FRY: variants seen among roughly 807,000 people sequenced by gnomAD.
The protein encoded by FRY is FRY microtubule binding protein.
In FRY, 128 loss-of-function variants were observed where a neutral mutation model predicts 348.4. The ratio of observed to expected loss-of-function variants is 0.37; its 90% CI spans 0.32 to 0.43. The LOEUF (loss-of-function observed/expected upper bound fraction) is 0.43. Ranked by LOEUF, FRY falls within the 20% of genes least tolerant of loss-of-function variation. The probability of loss-of-function intolerance (pLI) is 1.00; values close to 1 mark genes in which losing one functional copy is unlikely to be tolerated. For synonymous variants in FRY, 1,370 were observed against 1,374.7 expected, an observed-to-expected ratio of 1.00 and a Z score of 0.08; for missense variants, 2,736 against 3,695.2, an observed-to-expected ratio of 0.74 and a Z score of 6.73.
At chr13:32,209,464 TC>T (rs1458447926) in intron 32 of FRY, 120 bp from the exon 33 acceptor site, 3 of 918,146 alleles carry the variant, frequency 3.3e-6, no homozygotes, top group Non-Finnish European at 5.4e-6. Context: ...TGATAAATGG[TC>T]ATGTTTACCC....
At chr13:32,207,177 A>G (rs1163207135) in intron 31 of FRY, among the ~76,000 whole-genome samples, 1 of 152,212 alleles carries the variant, frequency 6.6e-6, no homozygotes, top group African/African-American at 2.4e-5. Flanking sequence ...CGAAAAGTCC[A>G]TAGATTTTTA....
rs368050656 is a variant in FRY, at chr13:32,149,577, G to A, written c.1393-171G>A. ...ACAAAACAGAAGCAGCCCTACCCTCGGTTCAGATGGGCATGGTCTTCCTCC... is the reference window on the plus strand; with the variant it reads ...ACAAAACAGAAGCAGCCCTACCCTCAGTTCAGATGGGCATGGTCTTCCTCC... On this transcript the variant is annotated intron_variant, in intron 13 of 60. Coordinates refer to ENST00000542859, the MANE Select transcript of FRY (RefSeq NM_023037.3). Among the ~76,000 whole-genome samples, 133 of 152,174 alleles carry A rather than the reference G, an allele frequency of 8.7e-4. 1 individual carries two copies. Among genetic ancestry groups the A allele is most frequent in the African/African-American group, 3.0e-3 (123 of 41,516 alleles).
intron 59 of FRY, among the ~76,000 whole-genome samples, chr13:32,293,741 A>G (rs933064764): frequency 2.0e-5 from 3 of 152,210 alleles, no homozygotes; most frequent in African/African-American, 7.2e-5. Context: ...TACAAACATT[A>G]GTTTAAGATT....
At chr13:32,252,891 T>C (rs532679887) in intron 50 of FRY, among the ~76,000 whole-genome samples, 11 of 152,302 alleles carry the variant, frequency 7.2e-5, no homozygotes, top group Admixed American at 2.6e-4. Flanking sequence ...TTTCTGCGGC[T>C]CCTGTGACAA....
intron 33 of FRY, 91 bp downstream of exon 33, chr13:32,209,822 A>G (rs1884581785): frequency 1.5e-6 from 2 of 1,291,980 alleles, no homozygotes; most frequent in Non-Finnish European, 2.2e-6. Flanking sequence ...TGCTCCAGCT[A>G]AAATAGAAAT....
intron 1 of FRY, among the ~76,000 whole-genome samples, chr13:32,073,542 C>T (rs1447222310): frequency 2.7e-5 from 4 of 150,318 alleles, no homozygotes; most frequent in Admixed American, 6.6e-5. Context: ...TGTATGTGGG[C>T]GGGTGTGTGT....
intron 4 of FRY, among the ~76,000 whole-genome samples, chr13:32,117,810 C>T (rs114670911): frequency 2.3e-4 from 35 of 152,344 alleles, no homozygotes; most frequent in African/African-American, 8.4e-4. Context: ...CCTTGCGTGA[C>T]ATGCCAAGAT....
intron 2 of FRY, among the ~76,000 whole-genome samples, chr13:32,093,187 A>G (rs1021860894): frequency 6.6e-6 from 1 of 152,218 alleles, no homozygotes; most frequent in Non-Finnish European, 1.5e-5. Flanking sequence ...CTCTAAAAAA[A>G]TTCTTCTCTA....
chr13:32,234,740 A>G lies in FRY; in HGVS notation c.5694A>G (p.Gly1898=), dbSNP rs1176977293. 1.7e-5 allele frequency: 27 copies of G among 1,613,994 alleles called. No individual in the cohort carries two copies. The highest frequency in any genetic ancestry group is 2.3e-5 in the Non-Finnish European group (27 of 1,179,972). The change falls in exon 42 of 61, where the codon GGA becomes GGG. Residue 1898 remains glycine, a synonymous_variant. Transcript: ENST00000542859. ...DLLSRLVEVI[G]EHGDEIQGYV... is the part of the protein sequence containing the mutation. ...TCTCAAGATTGGTGGAGGTGATAGG[A>G]GAACATGGAGATGAGATTCAGGTAT...
At chr13:32,170,528 T>C (rs1210568643) in intron 17 of FRY, among the ~76,000 whole-genome samples, 1 of 151,928 alleles carries the variant, frequency 6.6e-6, no homozygotes, top group East Asian at 1.9e-4. Flanking sequence ...TAGAAGTTTG[T>C]TTTGTTTTGT....
intron 17 of FRY, among the ~76,000 whole-genome samples, chr13:32,163,163 G>C (rs1396484501): frequency 1.3e-5 from 2 of 152,220 alleles, no homozygotes; most frequent in African/African-American, 4.8e-5. Flanking sequence ...GCTGTGGACA[G>C]CATTGGAGAG....
intron 3 of FRY, among the ~76,000 whole-genome samples, chr13:32,111,512 G>A (rs1456246411): frequency 6.6e-6 from 1 of 151,962 alleles, no homozygotes; most frequent in African/African-American, 2.4e-5. Flanking sequence ...AGAAGAAGGA[G>A]AAAGAGAAGA....
At chr13:32,051,040 C>A (rs913108963) in intron 1 of FRY, among the ~76,000 whole-genome samples, 5 of 152,142 alleles carry the variant, frequency 3.3e-5, no homozygotes, top group African/African-American at 1.2e-4. Flanking sequence ...CAAATCTATA[C>A]CAATATGGTT....
chr13:32,072,320 C>T (rs935690116), intron 1 of FRY, among the ~76,000 whole-genome samples: 7 of 151,968 alleles, frequency 4.6e-5, no homozygotes, highest in Non-Finnish European at 1.0e-4. Context: ...AATTGTTTTT[C>T]GGTATTTTTT....
chr13:32,116,066 T>C (rs962464666), intron 3 of FRY, among the ~76,000 whole-genome samples: 4 of 152,180 alleles, frequency 2.6e-5, no homozygotes, highest in Admixed American at 2.6e-4. Flanking sequence ...TTACATGTAG[T>C]TGGACATTTA....
chr13:32,067,414 C>T (rs1199034513), intron 1 of FRY, among the ~76,000 whole-genome samples: 3 of 152,060 alleles, frequency 2.0e-5, no homozygotes, highest in Non-Finnish European at 4.4e-5. Flanking sequence ...ACAGGCTTCC[C>T]CACTGTCTGC....
Position 32,101,979 on chromosome 13 carries a change from A to G in FRY, c.287A>G (p.Lys96Arg). The G allele has an allele frequency of 6.6e-7, 1 of 1,526,152 alleles. No individual in the cohort carries two copies. Among genetic ancestry groups the G allele is most frequent in the Non-Finnish European group, 9.1e-7 (1 of 1,099,850 alleles). The allele number at this position is 1,526,152 out of a possible 1,614,324, so 94.5% of individuals were successfully genotyped here. The change falls in exon 3 of 61, where the codon AAA (lysine) becomes AGA (arginine). Residue 96 changes from lysine (K) to arginine (R), a missense_variant. Transcript: ENST00000542859. ...TCTTTCTAGGAAAAGCCATTGACAA[A>G]ATCTCTGCAACGTGGAGAAGACCCC... is the stretch of plus-strand genomic sequence containing the variant. ...MAEPLEKPLT[K>R]SLQRGEDPQF...
At chr13:32,228,021 A>G (rs1353330862) in intron 39 of FRY, among the ~76,000 whole-genome samples, 1 of 152,214 alleles carries the variant, frequency 6.6e-6, no homozygotes, top group African/African-American at 2.4e-5. Context: ...AAGTGCTGGG[A>G]TTACAGGCGT....
At chr13:32,095,595 G>C (rs1304581183) in intron 2 of FRY, among the ~76,000 whole-genome samples, 1 of 151,938 alleles carries the variant, frequency 6.6e-6, no homozygotes, top group Non-Finnish European at 1.5e-5. Context: ...CACCCACCTT[G>C]GTCTCCCAAA....
Sources: gnomAD v4.1 joint callset for allele counts (sites outside exome capture counted in the v4.1 genomes callset) on GRCh38, gnomAD v4.1.1 for gene constraint, MANE v1.5 for transcripts, NCBI Gene and HGNC (gene_info 2026-07-23, HGNC 2026-07-21) for gene names.